CCDC88C: variants seen among roughly 807,000 people sequenced by gnomAD.
The protein encoded by CCDC88C is protein Daple.
A neutral mutation model predicts 198.8 loss-of-function variants in CCDC88C; 131 were observed. The ratio of observed to expected loss-of-function variants is 0.66; its 90% CI spans 0.57 to 0.76. The LOEUF is 0.76. CCDC88C is among the 30% of genes least tolerant of loss of function. CCDC88C has a pLI of 0.00. For synonymous variants in CCDC88C, 1,166 were observed against 1,114.7 expected, an observed-to-expected ratio of 1.05 and a Z score of -0.92; for missense variants, 2,553 against 2,631.6, an observed-to-expected ratio of 0.97 and a Z score of 0.65.
At chr14:91,380,191 A>C (rs1884703656) in intron 3 of CCDC88C, among the ~76,000 whole-genome samples, 1 of 152,244 alleles carries the variant, frequency 6.6e-6, no homozygotes, top group Non-Finnish European at 1.5e-5. Context: ...TATTTATGCA[A>C]GAGTACAAAT....
intron 23 of CCDC88C, among the ~76,000 whole-genome samples, chr14:91,293,417 TGCCACGGCCCACC>T (rs1890802116): frequency 5.4e-5 from 1 of 18,506 alleles, no homozygotes. Context: ...CCCCCTCACC[TGCCACGGCCCACC>T]TTCCCGTCCT....
intron 5 of CCDC88C, 54 bp downstream of exon 5, chr14:91,343,545 C>A: frequency 6.2e-7 from 1 of 1,610,224 alleles, no homozygotes; most frequent in Non-Finnish European, 8.5e-7. Context: ...CCCGCAAACC[C>A]AATATGAGAT....
intron 17 of CCDC88C, among the ~76,000 whole-genome samples, chr14:91,307,916 A>C (rs1237124807): frequency 6.6e-6 from 1 of 152,262 alleles, no homozygotes; most frequent in African/African-American, 2.4e-5. Context: ...ATGTGTATGG[A>C]AAGTGTGTTC....
At chr14:91,320,210 C>T (rs1892300978) in intron 13 of CCDC88C, among the ~76,000 whole-genome samples, 1 of 152,114 alleles carries the variant, frequency 6.6e-6, no homozygotes, top group South Asian at 2.1e-4. Context: ...AGGGAACCAA[C>T]CATGTTATTA....
chr14:91,278,630 G>A (rs932872959), intron 28 of CCDC88C, among the ~76,000 whole-genome samples: 2 of 152,098 alleles, frequency 1.3e-5, no homozygotes, highest in Middle Eastern at 3.2e-3. Flanking sequence ...CATTTGTTCT[G>A]TGGCCACAGT....
Position 91,381,541 on chromosome 14 carries a change from C to T in CCDC88C, c.271-21830G>A, listed in dbSNP as rs17127328. Among the ~76,000 whole-genome samples the T allele has an allele frequency of 0.029, 4,350 of 152,282 alleles. 224 individuals are homozygous for T. The highest frequency in any genetic ancestry group is 0.1 in the African/African-American group (4,149 of 41,546). On this transcript the variant is annotated intron_variant, in intron 3 of 29. Coordinates refer to ENST00000389857, the MANE Select transcript of CCDC88C (RefSeq NM_001080414.4). This position sits in a 1 kb window ranked among gnomAD's most constrained non-coding sequence, Gnocchi z 4.2. ...ACTGCAGACTGTCTTCCATTCAAGC[C>T]GGGCCTTTTGGCCGGGTGCGGTGGC...
chr14:91,383,448 C>T (rs761258490), intron 3 of CCDC88C, among the ~76,000 whole-genome samples: 21 of 152,192 alleles, frequency 1.4e-4, no homozygotes, highest in Non-Finnish European at 2.2e-4. Flanking sequence ...GAAAGCCCCT[C>T]CCTCTTTCTG....
chr14:91,401,713 G>A (rs922907228), intron 3 of CCDC88C, among the ~76,000 whole-genome samples: 1 of 152,084 alleles, frequency 6.6e-6, no homozygotes, highest in Admixed American at 6.6e-5. Context: ...AAAAAATGTG[G>A]CCCTCCTCTT....
In CCDC88C at chr14:91,315,681, A is replaced by G. The variant is rs779356088; in HGVS notation, c.1634T>C (p.Met545Thr). Residue 545 changes from methionine to threonine, a missense_variant, in exon 14 of 30, where the codon ATG (methionine) becomes ACG (threonine). By Grantham distance (81) the Met-to-Thr change is moderately conservative (BLOSUM62 -1). This residue lies in a region of CCDC88C where 1,260 missense variants were observed against 1,412.0 expected (regional missense o/e 0.89). Coordinates refer to ENST00000389857, the MANE Select transcript of CCDC88C (RefSeq NM_001080414.4). ...IREKEQLQSD[M>T]ETLKADKARQ... is the part of the protein sequence containing the mutation. ...GGCTTTGTCAGCCTTCAGGGTCTCC[A>G]TGTCACTCTGCAGCTGCTCCTTCTC... 6.2e-7 allele frequency: 1 copy of G among 1,613,826 alleles called. No individual in the cohort carries two copies. The highest frequency in any genetic ancestry group is 1.1e-5 in the South Asian group (1 of 91,044).
At chr14:91,308,302 G>A in intron 17 of CCDC88C, 49 bp downstream of exon 17, 1 of 1,607,144 alleles carries the variant, frequency 6.2e-7, no homozygotes, top group Non-Finnish European at 8.5e-7. Context: ...TGGAAAGGGT[G>A]AGGCTGAGAA....
chr14:91,404,847 C>T (rs1026000803), intron 3 of CCDC88C, among the ~76,000 whole-genome samples: 4 of 152,096 alleles, frequency 2.6e-5, no homozygotes, highest in Admixed American at 1.3e-4. Context: ...TGCCTGTAGT[C>T]CCAGCTACTC....
At chr14:91,308,275 C>A in intron 17 of CCDC88C, 76 bp downstream of exon 17, 1 of 1,562,960 alleles carries the variant, frequency 6.4e-7, no homozygotes, top group Admixed American at 1.8e-5. Context: ...CACCCCACTG[C>A]TATACAGGTG....
intron 3 of CCDC88C, among the ~76,000 whole-genome samples, chr14:91,369,701 G>A (rs1426594238): frequency 1.3e-5 from 2 of 152,132 alleles, no homozygotes; most frequent in Admixed American, 1.3e-4. Flanking sequence ...CTTCGGGGCG[G>A]GGAGTCCTGG....
intron 18 of CCDC88C, 24 bp from the exon 19 acceptor site, chr14:91,305,950 G>C: frequency 1.9e-6 from 3 of 1,605,526 alleles, no homozygotes; most frequent in Non-Finnish European, 2.6e-6. Flanking sequence ...AGGCATGAGC[G>C]AATCAAACTC....
intron 3 of CCDC88C, among the ~76,000 whole-genome samples, chr14:91,396,852 T>C (rs1311194804): frequency 1.3e-5 from 2 of 151,874 alleles, no homozygotes; most frequent in African/African-American, 2.4e-5. Context: ...AAACATAAAT[T>C]AGCCAGAAGT....
chr14:91,277,922 A>G lies in CCDC88C; in HGVS notation c.5058T>C (p.His1686=), dbSNP rs1890030481. The G allele has an allele frequency of 1.2e-5, 18 of 1,496,716 alleles. No homozygotes were observed. The highest frequency in any genetic ancestry group is 1.6e-5 in the Non-Finnish European group (18 of 1,114,078). 92.7% of individuals were successfully genotyped at this position (1,496,716 alleles called of 1,614,324 possible). Residue 1686 remains histidine, a splice_region_variant and synonymous_variant, in exon 29 of 30, where the codon CAT becomes CAC. Transcript: ENST00000389857. ...LEESNRSSPT[H]DTPSCRDDLL... ...CCAAGTCCGTGTCCGGATCACTCAC[A>G]TGGGTGGGGGAGCTGCGGTTGCTCT...
intron 3 of CCDC88C, among the ~76,000 whole-genome samples, chr14:91,394,904 T>C (rs1885749464): frequency 1.3e-5 from 2 of 151,864 alleles, no homozygotes; most frequent in African/African-American, 4.8e-5. Flanking sequence ...GAACACAGAG[T>C]GGCCAGGGGA....
rs912511961 is a variant in CCDC88C, at chr14:91,309,797, C to A, written c.2864+62G>T. 45 of 1,546,554 alleles carry A rather than the reference C, an allele frequency of 2.9e-5. 1 individual carries two copies. In the South Asian group the frequency reaches 5.0e-4, roughly 17 times the overall value. On this transcript the variant is annotated intron_variant, in intron 16 of 29. Coordinates refer to ENST00000389857, the MANE Select transcript of CCDC88C (RefSeq NM_001080414.4). Reference sequence around the variant, plus strand: ...GGAGGTCTCAGGGGAGGGTGAGGAGCCTGCAGACTGAACAGTGGAGGAAGT... The same window carrying A: ...GGAGGTCTCAGGGGAGGGTGAGGAGACTGCAGACTGAACAGTGGAGGAAGT...
intron 3 of CCDC88C, among the ~76,000 whole-genome samples, chr14:91,406,708 A>G (rs563339907): frequency 3.2e-4 from 49 of 152,262 alleles, no homozygotes; most frequent in Non-Finnish European, 5.9e-4. Flanking sequence ...TCTGCTGAGC[A>G]GCCGGCACAG....
Sources: allele counts gnomAD v4.1 joint callset (sites outside exome capture counted in the v4.1 genomes callset), GRCh38; gene constraint gnomAD v4.1.1; regional missense constraint gnomAD v4.1.1; non-coding constraint Gnocchi (gnomAD v3.1); transcripts MANE v1.5; gene names NCBI Gene and HGNC (gene_info 2026-07-23, HGNC 2026-07-21).